CCDC148: variants seen among roughly 807,000 people sequenced by gnomAD.
The protein encoded by CCDC148 is coiled-coil domain-containing protein 148.
A neutral mutation model predicts 85.7 loss-of-function variants in CCDC148; 89 were observed. That is an observed-to-expected ratio of 1.04 (90% CI 0.87 to 1.24). CCDC148 has a LOEUF of 1.24. Among genes scored for constraint, CCDC148 ranks in the 50% most tolerant of loss-of-function variants. CCDC148 has a pLI of 0.00. For missense variants in CCDC148, 692 were observed against 671.7 expected (o/e 1.03, Z -0.33); for synonymous variants, 230 against 213.9 (o/e 1.08, Z -0.66).
intron 7 of CCDC148, among the ~76,000 whole-genome samples, chr2:158,328,703 A>C (rs1030386800): frequency 1.3e-5 from 2 of 152,158 alleles, no homozygotes; most frequent in African/African-American, 2.4e-5. Context: ...AATGACTGCC[A>C]TTCTAACTGG....
chr2:158,281,311 A>G (rs916851293), intron 9 of CCDC148, among the ~76,000 whole-genome samples: 3 of 152,120 alleles, frequency 2.0e-5, no homozygotes, highest in Admixed American at 2.0e-4. Flanking sequence ...GACACAAAAA[A>G]CCCTTCAAAA....
At chr2:158,290,701 T>C (rs1453846518) in intron 9 of CCDC148, among the ~76,000 whole-genome samples, 1 of 152,140 alleles carries the variant, frequency 6.6e-6, no homozygotes, top group African/African-American at 2.4e-5. Flanking sequence ...ATTTTGTTGA[T>C]TTATCTTGTT....
rs1230917786 is a variant in CCDC148, at chr2:158,340,412, G to T, written c.335-19C>A. The T allele has an allele frequency of 6.2e-7, 1 of 1,609,884 alleles. No homozygotes were observed. The highest frequency in any genetic ancestry group is 2.2e-5 in the East Asian group (1 of 44,764). On this transcript the variant is annotated intron_variant, in intron 4 of 13. Coordinates refer to ENST00000283233, the MANE Select transcript of CCDC148 (RefSeq NM_138803.4). ...TCTTGCTCTATGGTGAAACAAAATT[G>T]AATTAAAGGAACACATTATTATTTT...
At chr2:158,380,948 CA>C in intron 1 of CCDC148, 1 of 152,144 alleles carries the variant, frequency 6.6e-6, no homozygotes, top group South Asian at 2.1e-4. Flanking sequence ...TCCTACTTCC[CA>C]ACAGTCACAT....
Position 158,309,419 on chromosome 2 carries a change from G to A in CCDC148, c.1110+14C>T, listed in dbSNP as rs1353347391. The A allele has an allele frequency of 3.1e-6, 5 of 1,604,992 alleles. No individual in the cohort carries two copies. Among genetic ancestry groups the A allele is most frequent in the Admixed American group, 1.7e-5 (1 of 59,726 alleles). ...TATCCAGACAAATACTGAAACACCTGTGCAGCATCTTACCTTGGCTTTCAG... is the reference window on the plus strand; with the variant it reads ...TATCCAGACAAATACTGAAACACCTATGCAGCATCTTACCTTGGCTTTCAG... On this transcript the variant is annotated intron_variant, in intron 9 of 13. Coordinates refer to ENST00000283233, the MANE Select transcript of CCDC148 (RefSeq NM_138803.4).
Position 158,422,831 on chromosome 2 carries a change from A to C in CCDC148, c.25+33584T>G, listed in dbSNP as rs1574793421. ...AGATGACATGCCTGTATATTTAGAA[A>C]ACCCCATTGTTTCAGCCCAAAATCT... On this transcript the variant is annotated intron_variant, in intron 1 of 13. Coordinates refer to ENST00000283233, the MANE Select transcript of CCDC148 (RefSeq NM_138803.4). Among the ~76,000 whole-genome samples, 2 of 150,948 alleles carry C rather than the reference A, an allele frequency of 1.3e-5. 1 individual carries two copies. The highest frequency in any genetic ancestry group is 4.2e-4 in the South Asian group (2 of 4,762).
chr2:158,187,952 C>T (rs188593357), intron 11 of CCDC148, among the ~76,000 whole-genome samples: 39 of 152,080 alleles, frequency 2.6e-4, no homozygotes, highest in African/African-American at 9.4e-4. Context: ...TAAAGAACTG[C>T]TGCTTTAAGG....
chr2:158,201,936 T>G (rs1415815315), intron 11 of CCDC148, among the ~76,000 whole-genome samples: 1 of 152,170 alleles, frequency 6.6e-6, no homozygotes, highest in Non-Finnish European at 1.5e-5. Flanking sequence ...GTCAATGTAG[T>G]GATAAAGTGT....
intron 7 of CCDC148, among the ~76,000 whole-genome samples, chr2:158,330,252 T>A (rs1443539421): frequency 1.3e-5 from 2 of 152,242 alleles, no homozygotes; most frequent in Non-Finnish European, 2.9e-5. Context: ...CTTTTCTGCA[T>A]CTATTGAGAT....
chr2:158,434,972 C>T (rs915390242), intron 1 of CCDC148, among the ~76,000 whole-genome samples: 6 of 152,102 alleles, frequency 3.9e-5, no homozygotes, highest in African/African-American at 1.4e-4. Flanking sequence ...AAATATGGGA[C>T]TATGTGAAAA....
At chr2:158,238,163 T>C (rs1688193631) in intron 10 of CCDC148, among the ~76,000 whole-genome samples, 1 of 151,890 alleles carries the variant, frequency 6.6e-6, no homozygotes, top group African/African-American at 2.4e-5. Flanking sequence ...GGAGGGTAGT[T>C]TATAGATGAA....
intron 9 of CCDC148, among the ~76,000 whole-genome samples, chr2:158,296,310 A>AT (rs988033670): frequency 2.0e-5 from 3 of 152,044 alleles, no homozygotes; most frequent in Non-Finnish European, 2.9e-5. Context: ...GGTTCACACC[A>AT]TTTTTTTCAT....
intron 11 of CCDC148, 25 bp from the exon 12 acceptor site, chr2:158,179,021 T>C: frequency 6.5e-7 from 1 of 1,540,592 alleles, no homozygotes; most frequent in Non-Finnish European, 9.0e-7. Flanking sequence ...CAGAAGGAAG[T>C]TGTGGAAGCA....
chr2:158,199,924 A>G (rs140780614), intron 11 of CCDC148, among the ~76,000 whole-genome samples: 1 of 152,320 alleles, frequency 6.6e-6, no homozygotes, highest in Non-Finnish European at 1.5e-5. Context: ...AATGATTTTA[A>G]TCAAATGTTC....
intron 1 of CCDC148, among the ~76,000 whole-genome samples, chr2:158,368,601 T>C (rs897664266): frequency 6.6e-6 from 1 of 152,124 alleles, no homozygotes; most frequent in Non-Finnish European, 1.5e-5. Flanking sequence ...GCCTTTTAGA[T>C]CTACTCAATT....
rs545808099 is a variant in CCDC148 at position 158,427,918 on chromosome 2, T to C, written c.25+28497A>G. ...TTTTCCAAAAACTGAAAGAAGCCAG[T>C]TGGTTGGGGAACACAGTCAAGATCA... On this transcript the variant is annotated intron_variant, in intron 1 of 13. Transcript: ENST00000283233. Among the ~76,000 whole-genome samples the C allele has an allele frequency of 3.9e-5, 6 of 152,204 alleles. 1 individual carries two copies. In the East Asian group the frequency reaches 1.2e-3, roughly 29 times the overall value.
intron 1 of CCDC148, chr2:158,366,177 G>A (rs1684195564): frequency 3.7e-6 from 3 of 808,052 alleles, no homozygotes; most frequent in Non-Finnish European, 1.9e-6. Context: ...ACCCAGGACT[G>A]GGTGCCATAA....
intron 10 of CCDC148, among the ~76,000 whole-genome samples, chr2:158,240,950 G>A (rs1688327204): frequency 6.6e-6 from 1 of 152,154 alleles, no homozygotes; most frequent in Non-Finnish European, 1.5e-5. Flanking sequence ...GTTAGCATAA[G>A]AGTATTCACA....
chr2:158,350,833 C>G (rs1178625586), intron 2 of CCDC148, among the ~76,000 whole-genome samples: 1 of 152,024 alleles, frequency 6.6e-6, no homozygotes, highest in East Asian at 1.9e-4. Flanking sequence ...ATAAAATATA[C>G]GTTAAATCAG....
Sources: allele counts gnomAD v4.1 joint callset (sites outside exome capture counted in the v4.1 genomes callset), GRCh38; gene constraint gnomAD v4.1.1; transcripts MANE v1.5; gene names NCBI Gene and HGNC (gene_info 2026-07-23, HGNC 2026-07-21).